Variants in HIF3A observed in about 807,000 individuals in gnomAD.
The protein encoded by HIF3A is hypoxia inducible factor 3 subunit alpha.
In HIF3A, 41 loss-of-function variants were observed where a neutral mutation model predicts 67.2. The ratio of observed to expected loss-of-function variants is 0.61; its 90% CI spans 0.48 to 0.79. HIF3A has a LOEUF of 0.79. Ranked by LOEUF, HIF3A falls within the 30% of genes least tolerant of loss-of-function variation. The probability of loss-of-function intolerance (pLI) is 0.00; values close to 1 mark genes in which losing one functional copy is unlikely to be tolerated. For missense variants in HIF3A, 855 were observed against 898.0 expected, an observed-to-expected ratio of 0.95 and a Z score of 0.61; for synonymous variants, 356 against 374.8, an observed-to-expected ratio of 0.95 and a Z score of 0.58.
chr19:46,308,655 C>G lies in HIF3A; in HGVS notation c.449-8C>G, dbSNP rs1402376835. The G allele has an allele frequency of 1.3e-6, 2 of 1,574,570 alleles. No homozygotes were observed. Among genetic ancestry groups the G allele is most frequent in the Non-Finnish European group, 1.7e-6 (2 of 1,156,536 alleles). On this transcript the variant is annotated splice_polypyrimidine_tract_variant and splice_region_variant and intron_variant, in intron 4 of 14. Coordinates refer to ENST00000377670, the MANE Select transcript of HIF3A (RefSeq NM_152795.4). The stretch of plus-strand genomic sequence containing the variant: ...TGTGACCTCCCCGCTGCCCCCGGGC[C>G]TCCCCAGCCCTGTCCAGGAGGAAGG...
chr19:46,320,470 G>A lies in HIF3A; in HGVS notation c.1053G>A (p.Leu351=), dbSNP rs866155262. 5.0e-6 allele frequency: 8 copies of A among 1,614,010 alleles called. No homozygotes were observed. Among genetic ancestry groups the A allele is most frequent in the Middle Eastern group, 1.6e-4 (1 of 6,084 alleles). ...ISQVEETGVV[L]SLEQTEQHSR... ...AGGTGGAAGAGACCGGAGTGGTGCT[G>A]TCCCTGGAGCAAACGGAGCAACACT... is the stretch of plus-strand genomic sequence containing the variant. Residue 351 remains leucine, a synonymous_variant, in exon 9 of 15, where the codon CTG becomes CTA. Transcript: ENST00000377670.
At chr19:46,325,369 T>C (rs1177752797) in intron 10 of HIF3A, among the ~76,000 whole-genome samples, 166 bp from the exon 11 acceptor site, 1 of 152,066 alleles carries the variant, frequency 6.6e-6, no homozygotes, top group Non-Finnish European at 1.5e-5. Context: ...ATTCTGAGTT[T>C]TGAACACCCA....
At chr19:46,305,211 A>G (rs1347749860) in intron 2 of HIF3A, 34 bp from the exon 3 acceptor site, 2 of 1,612,624 alleles carry the variant, frequency 1.2e-6, no homozygotes, top group African/African-American at 1.3e-5. Context: ...ATAACTGACT[A>G]GAGATGCCCC....
intron 8 of HIF3A, among the ~76,000 whole-genome samples, chr19:46,313,818 C>T (rs966226370): frequency 1.6e-4 from 24 of 150,922 alleles, no homozygotes; most frequent in African/African-American, 5.1e-4. Flanking sequence ...CGCAACAACA[C>T]GCCCAGCTAA....
chr19:46,313,184 G>A (rs190955154), intron 8 of HIF3A: 45 of 599,446 alleles, frequency 7.5e-5, no homozygotes, highest in Middle Eastern at 1.6e-3. Flanking sequence ...CCAGGTGGTG[G>A]AGGCTGCAGT....
In HIF3A at chr19:46,339,831, C is replaced by T; in HGVS notation, c.*209C>T. On this transcript the variant is annotated 3_prime_UTR_variant, in exon 15 of 15. Coordinates refer to ENST00000377670, the MANE Select transcript of HIF3A (RefSeq NM_152795.4). ...CTCTGGGGTGGTCTCAGCTCAGTGA[C>T]CTCTGGGAGGTGGTCCCTGGCCCCC... 2.4e-6 allele frequency: 1 copy of T among 411,780 alleles called. No homozygotes were observed. Among genetic ancestry groups the T allele is most frequent in the Non-Finnish European group, 4.3e-6 (1 of 233,420 alleles). 25.5% of individuals were successfully genotyped at this position (411,780 alleles called of 1,614,324 possible).
chr19:46,297,107 T>G lies in HIF3A; in HGVS notation c.26+5T>G. The G allele has an allele frequency of 8.1e-7, 1 of 1,239,864 alleles. No individual in the cohort carries two copies. The highest frequency in any genetic ancestry group is 2.2e-4 in the Middle Eastern group (1 of 4,520). The allele number at this position is 1,239,864 out of a possible 1,614,324, so 76.8% of individuals were successfully genotyped here. ...GCTGGGGCTGCAGCGCGCAAGGTACTGAAGTTCGGGGGCAGGAGTTCTGGG... is the reference window on the plus strand; with the variant it reads ...GCTGGGGCTGCAGCGCGCAAGGTACGGAAGTTCGGGGGCAGGAGTTCTGGG... On this transcript the variant is annotated splice_donor_5th_base_variant and intron_variant, in intron 1 of 14. Coordinates refer to ENST00000377670, the MANE Select transcript of HIF3A (RefSeq NM_152795.4). This position sits in a 1 kb window ranked among gnomAD's most constrained non-coding sequence, Gnocchi z 4.5.
chr19:46,302,883 G>GAAAGA (rs1276948656), intron 1 of HIF3A, among the ~76,000 whole-genome samples: 2 of 152,238 alleles, frequency 1.3e-5, no homozygotes, highest in East Asian at 3.9e-4. Flanking sequence ...CAAAAGAAAA[G>GAAAGA]AAAGAAAAGA....
chr19:46,325,668 C>T, intron 11 of HIF3A, 29 bp downstream of exon 11: 1 of 1,453,974 alleles, frequency 6.9e-7, no homozygotes, highest in Non-Finnish European at 9.7e-7. Flanking sequence ...GGGAGTAATC[C>T]TCAGCCCTGT....
At chr19:46,320,751 T>G (rs976935291) in intron 9 of HIF3A, among the ~76,000 whole-genome samples, 190 bp downstream of exon 9, 2 of 152,210 alleles carry the variant, frequency 1.3e-5, no homozygotes, top group Admixed American at 6.5e-5. Flanking sequence ...CCTCAGGGCC[T>G]TTGCACATGC....
intron 14 of HIF3A, among the ~76,000 whole-genome samples, chr19:46,337,520 C>T (rs1971717432): frequency 6.6e-6 from 1 of 152,336 alleles, no homozygotes; most frequent in Non-Finnish European, 1.5e-5. Context: ...CCTCCTGCCT[C>T]AGCCTTCCAA....
Position 46,312,145 on chromosome 19 carries a change from T to TCCGC in HIF3A, c.771-13_771-10dup, listed in dbSNP as rs761001559. ...CAGTAGCATCCTGACCAGACCCCACTCCGCCCCACCCCCAGGATTGCAGAA... is the reference window on the plus strand; with the variant it reads ...CAGTAGCATCCTGACCAGACCCCACTCCGCCCGCCCCACCCCCAGGATTGCAGAA... On this transcript the variant is annotated splice_polypyrimidine_tract_variant and intron_variant, in intron 6 of 14. Transcript: ENST00000377670. 8.7e-6 allele frequency: 14 copies of TCCGC among 1,609,208 alleles called. No individual in the cohort carries two copies. In the Admixed American group the frequency reaches 2.2e-4, roughly 25 times the overall value.
intron 8 of HIF3A, chr19:46,313,113 T>C: frequency 1.7e-6 from 1 of 574,146 alleles, no homozygotes; most frequent in Non-Finnish European, 2.2e-6. Flanking sequence ...TAGCCGGGTG[T>C]GGTGACACAT....
At chr19:46,299,864 C>CA (rs1968181503) in intron 1 of HIF3A, among the ~76,000 whole-genome samples, 1 of 152,102 alleles carries the variant, frequency 6.6e-6, no homozygotes, top group South Asian at 2.1e-4. Flanking sequence ...GAGCTCAAGT[C>CA]AGAGTAGACA....
At chr19:46,337,508 A>G (rs568076238) in intron 14 of HIF3A, among the ~76,000 whole-genome samples, 1 of 152,208 alleles carries the variant, frequency 6.6e-6, no homozygotes, top group East Asian at 1.9e-4. Flanking sequence ...GGCTCAAGTG[A>G]TCCTCCTGCC....
chr19:46,334,210 G>A (rs1042471609), intron 13 of HIF3A, among the ~76,000 whole-genome samples: 160 of 152,090 alleles, frequency 1.1e-3, no homozygotes, highest in African/African-American at 3.7e-3. Context: ...TCCTACCTCC[G>A]CCTCCCAAGT....
Position 46,320,581 on chromosome 19 carries a change from C to T in HIF3A, c.1144+20C>T, listed in dbSNP as rs746129405. 1.9e-6 allele frequency: 3 copies of T among 1,587,266 alleles called. No individual in the cohort carries two copies. Among genetic ancestry groups the T allele is most frequent in the Admixed American group, 3.3e-5 (2 of 59,790 alleles). ...GCCTTGGTATGGGGCAGGGCTGGGG[C>T]CGGGAGGGGTTGTGTCCCCAGGGCC... On this transcript the variant is annotated intron_variant, in intron 9 of 14. Transcript: ENST00000377670.
intron 1 of HIF3A, chr19:46,298,264 C>T: frequency 2.1e-6 from 1 of 471,006 alleles, no homozygotes. Flanking sequence ...CTGGGCCTAA[C>T]AAGGAACTCT....
chr19:46,313,299 A>G, intron 8 of HIF3A: 5 of 981,522 alleles, frequency 5.1e-6, no homozygotes, highest in Non-Finnish European at 6.0e-6. Flanking sequence ...TTCAAGTTAA[A>G]ATAAGAAGTG....
Sources: gnomAD v4.1 joint callset for allele counts (sites outside exome capture counted in the v4.1 genomes callset) on GRCh38, gnomAD v4.1.1 for gene constraint, Gnocchi (gnomAD v3.1) non-coding constraint, MANE v1.5 for transcripts, NCBI Gene and HGNC (gene_info 2026-07-23, HGNC 2026-07-21) for gene names.